The following KCNH5 variants were observed in gnomAD, a reference collection of about 807,000 sequenced individuals.
KCNH5 encodes the protein potassium voltage-gated channel subfamily H member 5.
In KCNH5, 46 loss-of-function variants were observed where a neutral mutation model predicts 96.1. The ratio of observed to expected loss-of-function variants is 0.48; its 90% CI spans 0.38 to 0.61. The LOEUF (loss-of-function observed/expected upper bound fraction) is 0.61. Ranked by LOEUF, KCNH5 falls within the 20% of genes least tolerant of loss-of-function variation. The pLI is 0.00. For synonymous variants in KCNH5, 439 were observed against 449.8 expected, an observed-to-expected ratio of 0.98 and a Z score of 0.30; for missense variants, 907 against 1,225.8, an observed-to-expected ratio of 0.74 and a Z score of 3.88.
chr14:62,719,620 T>C (rs1884762716), intron 10 of KCNH5, among the ~76,000 whole-genome samples: 1 of 152,238 alleles, frequency 6.6e-6, no homozygotes, highest in African/African-American at 2.4e-5. Flanking sequence ...AGGTACAGAA[T>C]GGCTAGATTG....
At chr14:62,858,289 T>G (rs1304505838) in intron 7 of KCNH5, among the ~76,000 whole-genome samples, 1 of 152,146 alleles carries the variant, frequency 6.6e-6, no homozygotes, top group African/African-American at 2.4e-5. Flanking sequence ...CCTGGTGGAG[T>G]GACCCAAACC....
chr14:62,716,271 G>C (rs972775940), intron 10 of KCNH5, among the ~76,000 whole-genome samples: 3 of 152,156 alleles, frequency 2.0e-5, no homozygotes, highest in African/African-American at 7.2e-5. Context: ...ATCAAACATT[G>C]CAGTAGCCCA....
intron 10 of KCNH5, among the ~76,000 whole-genome samples, chr14:62,719,051 A>G (rs1884749850): frequency 6.6e-6 from 1 of 152,326 alleles, no homozygotes; most frequent in Middle Eastern, 3.4e-3. Flanking sequence ...GCATAAGGGA[A>G]AGTGAGAAAG....
intron 10 of KCNH5, among the ~76,000 whole-genome samples, chr14:62,741,538 G>C (rs993359480): frequency 6.6e-6 from 1 of 151,986 alleles, no homozygotes; most frequent in Non-Finnish European, 1.5e-5. Context: ...GCTGACGTTT[G>C]GTCCCCTCCC....
At chr14:62,912,670 T>C (rs1015733540) in intron 7 of KCNH5, among the ~76,000 whole-genome samples, 6 of 152,166 alleles carry the variant, frequency 3.9e-5, no homozygotes, top group African/African-American at 1.2e-4. Context: ...CCTCCCAAAG[T>C]GCTGGGACTA....
At chr14:62,760,740 A>C (rs1885729395) in intron 10 of KCNH5, among the ~76,000 whole-genome samples, 1 of 152,214 alleles carries the variant, frequency 6.6e-6, no homozygotes, top group Non-Finnish European at 1.5e-5. Context: ...TACTCAGTAG[A>C]ATTGCTTCAT....
chr14:62,723,813 T>C (rs767737043), intron 10 of KCNH5, among the ~76,000 whole-genome samples: 11 of 152,228 alleles, frequency 7.2e-5, no homozygotes, highest in Non-Finnish European at 1.6e-4. Context: ...CTATTCCATG[T>C]AAAACAGATA....
intron 7 of KCNH5, among the ~76,000 whole-genome samples, chr14:62,945,084 G>C (rs1889861113): frequency 6.6e-6 from 1 of 152,168 alleles, no homozygotes; most frequent in African/African-American, 2.4e-5. Flanking sequence ...ATTCATGAAG[G>C]AGAGAAGGAA....
intron 10 of KCNH5, among the ~76,000 whole-genome samples, chr14:62,767,044 T>C (rs1375902024): frequency 6.6e-6 from 1 of 152,074 alleles, no homozygotes; most frequent in Non-Finnish European, 1.5e-5. Context: ...AAAGAAGACA[T>C]ACATGCAGCC....
chr14:62,719,873 G>C lies in KCNH5; in HGVS notation c.2020-11418C>G, dbSNP rs576188464. Among the ~76,000 whole-genome samples the C allele has an allele frequency of 5.9e-5, 9 of 152,256 alleles. No homozygotes were observed. In the South Asian group the frequency reaches 1.7e-3, roughly 28 times the overall value. On this transcript the variant is annotated intron_variant, in intron 10 of 10. Coordinates refer to ENST00000322893, the MANE Select transcript of KCNH5 (RefSeq NM_139318.5). ...TTCACTTTAACGTGCCTCTTATTAA[G>C]TGCTGAGATGCAGCACATACAAGAT...
intron 7 of KCNH5, among the ~76,000 whole-genome samples, chr14:62,911,681 AC>A (rs1889157721): frequency 6.6e-6 from 1 of 152,166 alleles, no homozygotes; most frequent in South Asian, 2.1e-4. Context: ...TAAGAAAAAA[AC>A]ATCAGCATGT....
chr14:62,954,446 T>C (rs1354462463), intron 6 of KCNH5, among the ~76,000 whole-genome samples: 2 of 152,210 alleles, frequency 1.3e-5, no homozygotes, highest in East Asian at 1.9e-4. Flanking sequence ...AAAGCTGGCA[T>C]ATGGTAATAT....
intron 4 of KCNH5, among the ~76,000 whole-genome samples, chr14:62,990,445 C>T (rs1370325613): frequency 6.6e-6 from 1 of 151,896 alleles, no homozygotes; most frequent in African/African-American, 2.4e-5. Flanking sequence ...CATCTCTTTT[C>T]TTTACCTTAT....
rs1391848035 is a variant in KCNH5, at chr14:63,003,586, ATATATATT to A, written c.305-2135_305-2128del. On this transcript the variant is annotated intron_variant, in intron 3 of 10. Coordinates refer to ENST00000322893, the MANE Select transcript of KCNH5 (RefSeq NM_139318.5). ...ATATATTTATATTTATATACATAATATATATATTTATATATTTATATTTATATATATAT... is the reference window on the plus strand; with the variant it reads ...ATATATTTATATTTATATACATAATATATATATTTATATTTATATATATAT... 8.3e-4 allele frequency among the ~76,000 whole-genome samples: 105 copies of A among 126,128 alleles called. 1 individual carries two copies. The highest frequency in any genetic ancestry group is 3.2e-3 in the African/African-American group (101 of 31,534). The allele number at this position is 126,128 out of a possible 152,430, so 82.7% of individuals were successfully genotyped here.
chr14:62,813,434 G>C (rs1043321472), intron 8 of KCNH5, among the ~76,000 whole-genome samples: 24 of 152,224 alleles, frequency 1.6e-4, no homozygotes, highest in African/African-American at 5.5e-4. Context: ...TTCACTTTAA[G>C]TGCCTGAAGG....
At chr14:63,013,889 C>A (rs1022190176) in intron 2 of KCNH5, among the ~76,000 whole-genome samples, 3 of 151,786 alleles carry the variant, frequency 2.0e-5, no homozygotes, top group Non-Finnish European at 4.4e-5. Context: ...AATGCTACAG[C>A]AAACATAAAA....
chr14:62,903,491 TAGA>T (rs755287951), intron 7 of KCNH5, among the ~76,000 whole-genome samples: 5 of 152,196 alleles, frequency 3.3e-5, no homozygotes, highest in Non-Finnish European at 7.3e-5. Flanking sequence ...AAAGTAAATA[TAGA>T]AGAAGTTGTA....
chr14:62,893,687 C>T (rs1888754965), intron 7 of KCNH5, among the ~76,000 whole-genome samples: 2 of 152,044 alleles, frequency 1.3e-5, no homozygotes, highest in African/African-American at 4.8e-5. Flanking sequence ...ACTTGGGAGG[C>T]TGCAGTGAGC....
intron 8 of KCNH5, among the ~76,000 whole-genome samples, chr14:62,818,638 A>G (rs1445398437): frequency 6.6e-6 from 1 of 152,152 alleles, no homozygotes; most frequent in Non-Finnish European, 1.5e-5. Flanking sequence ...ATCAACCAAC[A>G]CTATAACCCA....
Sources: allele counts gnomAD v4.1 joint callset (sites outside exome capture counted in the v4.1 genomes callset), GRCh38; gene constraint gnomAD v4.1.1; transcripts MANE v1.5; gene names NCBI Gene and HGNC (gene_info 2026-07-23, HGNC 2026-07-21).